GLIS3: variants seen among roughly 807,000 people sequenced by gnomAD.
GLIS3 encodes the protein zinc finger protein GLIS3.
A neutral mutation model predicts 78.6 loss-of-function variants in GLIS3; 53 were observed. The ratio of observed to expected loss-of-function variants is 0.67; its 90% CI spans 0.54 to 0.85. The LOEUF is 0.85. GLIS3 is among the 40% of genes least tolerant of loss of function. GLIS3 has a pLI of 0.00. For missense variants in GLIS3, 1,703 were observed against 1,231.1 expected, an observed-to-expected ratio of 1.38 and a Z score of -5.74; for synonymous variants, 684 against 509.9, an observed-to-expected ratio of 1.34 and a Z score of -4.60.
chr9:4,117,704 A>C, intron 4 of GLIS3, 64 bp downstream of exon 4: 3 of 1,598,020 alleles, frequency 1.9e-6, no homozygotes, highest in South Asian at 2.2e-5. Flanking sequence ...TTAGGAAAAA[A>C]CACACGTACG....
intron 2 of GLIS3, among the ~76,000 whole-genome samples, chr9:4,314,056 G>A (rs576143925): frequency 2.5e-3 from 376 of 152,294 alleles, no homozygotes; most frequent in Non-Finnish European, 2.5e-3. Context: ...CAACTCTAGC[G>A]TTTATTAGCT....
intron 4 of GLIS3, among the ~76,000 whole-genome samples, chr9:3,950,214 C>A (rs116435342): frequency 1.7e-3 from 266 of 152,292 alleles, no homozygotes; most frequent in African/African-American, 6.2e-3. Flanking sequence ...ACTATGGCCT[C>A]CCACCTGGTC....
chr9:4,191,963 G>T (rs1454412566), intron 2 of GLIS3, among the ~76,000 whole-genome samples: 2 of 152,102 alleles, frequency 1.3e-5, no homozygotes, highest in Non-Finnish European at 2.9e-5. Flanking sequence ...AGTGAATGGT[G>T]AAGATTTTTT....
At chr9:3,851,335 G>A (rs1480678929) in intron 9 of GLIS3, among the ~76,000 whole-genome samples, 1 of 152,170 alleles carries the variant, frequency 6.6e-6, no homozygotes, top group Non-Finnish European at 1.5e-5. Context: ...GTGTCCCTAT[G>A]TTTACATCTA....
chr9:4,213,219 T>A (rs1820526757), intron 2 of GLIS3, among the ~76,000 whole-genome samples: 1 of 152,108 alleles, frequency 6.6e-6, no homozygotes, highest in South Asian at 2.1e-4. Flanking sequence ...CCTCCTTCCT[T>A]TGTCTCCCTT....
intron 4 of GLIS3, among the ~76,000 whole-genome samples, chr9:4,028,000 T>A (rs1311239818): frequency 6.6e-6 from 1 of 152,196 alleles, no homozygotes; most frequent in African/African-American, 2.4e-5. Context: ...TGCAAAGTTG[T>A]ATGCTAGACC....
At chr9:4,099,753 A>C (rs1338332671) in intron 4 of GLIS3, among the ~76,000 whole-genome samples, 1 of 152,248 alleles carries the variant, frequency 6.6e-6, no homozygotes, top group Non-Finnish European at 1.5e-5. Context: ...TTGCATATTA[A>C]GTATGAAGAG....
chr9:4,195,432 T>C (rs1208973338), intron 2 of GLIS3, among the ~76,000 whole-genome samples: 1 of 152,138 alleles, frequency 6.6e-6, no homozygotes, highest in African/African-American at 2.4e-5. Context: ...GTGAGGGGCT[T>C]AGCACCCGGG....
intron 4 of GLIS3, among the ~76,000 whole-genome samples, chr9:4,069,561 A>G (rs1827410135): frequency 6.6e-6 from 1 of 152,186 alleles, no homozygotes; most frequent in South Asian, 2.1e-4. Context: ...TTTTTAACTT[A>G]TCTGTCAAAT....
chr9:4,346,641 G>C (rs1817901365), intron 2 of GLIS3, among the ~76,000 whole-genome samples: 1 of 152,182 alleles, frequency 6.6e-6, no homozygotes, highest in Admixed American at 6.5e-5. Flanking sequence ...GGACTAACAA[G>C]CAGTGGCAAC....
In GLIS3 at chr9:4,299,526, G is replaced by A. The variant is rs1196849640; in HGVS notation, c.-204C>T. 2 of 152,580 alleles carry A rather than the reference G, an allele frequency of 1.3e-5. No homozygotes were observed. The highest frequency in any genetic ancestry group is 4.8e-5 in the African/African-American group (2 of 41,440). The allele number at this position is 152,580 out of a possible 1,614,324, so 9.5% of individuals were successfully genotyped here. ...CCGGCGCTGGCGAGGAGTAACTTGG[G>A]GCTCCAGCCCTTCAGAGCGCTCCGC... On this transcript the variant is annotated 5_prime_UTR_variant, in exon 1 of 11. Transcript: ENST00000381971.
the GLIS3 span, among the ~76,000 whole-genome samples, chr9:4,361,279 C>T: frequency 1.4e-4 from 21 of 152,318 alleles, no homozygotes; most frequent in Admixed American, 7.8e-4. Flanking sequence ...CTCCTTGTCT[C>T]AAGAAGGGAC....
intron 2 of GLIS3, among the ~76,000 whole-genome samples, chr9:4,341,855 C>T (rs1352649643): frequency 6.6e-6 from 1 of 152,186 alleles, no homozygotes; most frequent in African/African-American, 2.4e-5. Context: ...AATCTCATAA[C>T]AGTTAAGCAT....
At chr9:4,177,378 T>C (rs1025335319) in intron 2 of GLIS3, among the ~76,000 whole-genome samples, 1 of 152,160 alleles carries the variant, frequency 6.6e-6, no homozygotes, top group Non-Finnish European at 1.5e-5. Flanking sequence ...ATTAACTAGT[T>C]AGAACACTTG....
At chr9:4,197,662 G>A (rs941974918) in intron 2 of GLIS3, among the ~76,000 whole-genome samples, 1 of 152,204 alleles carries the variant, frequency 6.6e-6, no homozygotes, top group African/African-American at 2.4e-5. Context: ...CTTCACCGGG[G>A]CTGAGGAGGG....
At chr9:4,447,222 A>AT in the GLIS3 span, among the ~76,000 whole-genome samples, 26 of 151,198 alleles carry the variant, frequency 1.7e-4, no homozygotes, top group Non-Finnish European at 4.4e-5. Context: ...TAATTATTTC[A>AT]TTTTTTATAG....
At chr9:4,408,676 G>A in the GLIS3 span, among the ~76,000 whole-genome samples, 2 of 128,368 alleles carry the variant, frequency 1.6e-5, no homozygotes, top group East Asian at 2.2e-4. Flanking sequence ...GCAGTGAGCC[G>A]AGATCACGCC....
intron 2 of GLIS3, among the ~76,000 whole-genome samples, chr9:4,320,159 T>C (rs1388242408): frequency 6.6e-6 from 1 of 152,218 alleles, no homozygotes; most frequent in Non-Finnish European, 1.5e-5. Flanking sequence ...CACCCCACTT[T>C]TGACATGTCA....
chr9:3,950,004 T>C (rs1292570704), intron 4 of GLIS3, among the ~76,000 whole-genome samples: 2 of 152,164 alleles, frequency 1.3e-5, no homozygotes, highest in South Asian at 2.1e-4. Context: ...AAGTACATAT[T>C]CCAACACTTA....
Sources: allele counts gnomAD v4.1 joint callset (sites outside exome capture counted in the v4.1 genomes callset), GRCh38; gene constraint gnomAD v4.1.1; transcripts MANE v1.5; gene names NCBI Gene and HGNC (gene_info 2026-07-23, HGNC 2026-07-21).